Variants in CNTN4 observed in about 807,000 individuals in gnomAD.
CNTN4 encodes the protein contactin 4, also known as contactin-4.
CNTN4 carries 77 observed loss-of-function variants against 122.5 expected under a neutral mutation model. The observed-to-expected ratio is 0.63, with a 90% CI of 0.52 to 0.76. CNTN4 has a LOEUF of 0.76. Ranked by LOEUF, CNTN4 falls within the 30% of genes least tolerant of loss-of-function variation. The pLI, the probability that CNTN4 is intolerant of heterozygous loss-of-function variation, is 0.00. For missense variants in CNTN4, 1,256 were observed against 1,259.1 expected, an observed-to-expected ratio of 1.00 and a Z score of 0.04; for synonymous variants, 512 against 447.0, an observed-to-expected ratio of 1.15 and a Z score of -1.83.
chr3:2,280,629 G>T (rs922546833), intron 2 of CNTN4, among the ~76,000 whole-genome samples: 1 of 152,118 alleles, frequency 6.6e-6, no homozygotes, highest in South Asian at 2.1e-4. Flanking sequence ...GGTCATAACC[G>T]TAGAGAACAC....
intron 14 of CNTN4, among the ~76,000 whole-genome samples, chr3:2,993,394 C>T (rs1695227458): frequency 6.6e-6 from 1 of 150,884 alleles, no homozygotes; most frequent in Admixed American, 6.6e-5. Flanking sequence ...GCCTCCCGGG[C>T]TCAAGCGATT....
chr3:2,708,391 A>G (rs879531243), intron 4 of CNTN4, among the ~76,000 whole-genome samples: 3 of 152,224 alleles, frequency 2.0e-5, no homozygotes, highest in Admixed American at 1.3e-4. Flanking sequence ...AGAAATGATT[A>G]TAATTATCTG....
At chr3:2,847,707 C>T (rs944249936) in intron 7 of CNTN4, among the ~76,000 whole-genome samples, 3 of 152,196 alleles carry the variant, frequency 2.0e-5, no homozygotes, top group Non-Finnish European at 4.4e-5. Context: ...ATTGAATGCT[C>T]GTGCTCAGAG....
At chr3:2,622,912 A>G (rs1263463127) in intron 4 of CNTN4, among the ~76,000 whole-genome samples, 1 of 152,232 alleles carries the variant, frequency 6.6e-6, no homozygotes, top group Non-Finnish European at 1.5e-5. Context: ...AAAATAGGTC[A>G]TATGAGAATG....
intron 3 of CNTN4, among the ~76,000 whole-genome samples, chr3:2,427,881 C>A (rs1048483590): frequency 1.3e-4 from 20 of 151,646 alleles, no homozygotes; most frequent in African/African-American, 4.9e-4. Flanking sequence ...TTATCAGAGA[C>A]TAAGATTGCA....
intron 24 of CNTN4, among the ~76,000 whole-genome samples, chr3:3,054,666 A>G (rs1009628567): frequency 9.2e-5 from 14 of 152,168 alleles, no homozygotes; most frequent in Non-Finnish European, 1.5e-5. Flanking sequence ...TGGAGACAGA[A>G]GTGAGGCTAG....
intron 13 of CNTN4, among the ~76,000 whole-genome samples, chr3:2,933,024 G>C (rs948719624): frequency 1.3e-5 from 2 of 151,908 alleles, no homozygotes; most frequent in Non-Finnish European, 2.9e-5. Context: ...AAGTTTCACC[G>C]TGTTAGCCAG....
At chr3:2,727,221 C>A (rs1467253467) in intron 4 of CNTN4, among the ~76,000 whole-genome samples, 6 of 152,094 alleles carry the variant, frequency 3.9e-5, no homozygotes, top group African/African-American at 1.4e-4. Context: ...AAATATAGCC[C>A]ACAAAACATG....
At chr3:2,870,189 C>G (rs1253338386) in intron 8 of CNTN4, among the ~76,000 whole-genome samples, 3 of 152,244 alleles carry the variant, frequency 2.0e-5, no homozygotes, top group Non-Finnish European at 4.4e-5. Context: ...CTGGCAACAA[C>G]TCTGCCTTTT....
intron 6 of CNTN4, among the ~76,000 whole-genome samples, chr3:2,780,417 A>C (rs560744893): frequency 6.6e-6 from 1 of 152,156 alleles, no homozygotes; most frequent in South Asian, 2.1e-4. Context: ...GGATCTTCCA[A>C]CTCTCAATAT....
intron 13 of CNTN4, among the ~76,000 whole-genome samples, chr3:2,935,567 C>T (rs933184598): frequency 9.2e-5 from 14 of 152,298 alleles, no homozygotes; most frequent in African/African-American, 1.7e-4. Context: ...ATATCTGTCA[C>T]GTATCTCCCT....
chr3:2,964,931 A>G (rs890949012), intron 13 of CNTN4, among the ~76,000 whole-genome samples: 1 of 152,090 alleles, frequency 6.6e-6, no homozygotes, highest in Non-Finnish European at 1.5e-5. Context: ...AAATTTAATT[A>G]TGCTTCCATC....
intron 2 of CNTN4, among the ~76,000 whole-genome samples, chr3:2,112,426 A>G (rs1427712814): frequency 6.6e-6 from 1 of 152,206 alleles, no homozygotes; most frequent in Non-Finnish European, 1.5e-5. Flanking sequence ...AAAACTTAGC[A>G]AGCATAACAA....
chr3:2,142,639 G>C (rs1189670288), intron 2 of CNTN4, among the ~76,000 whole-genome samples: 1 of 152,154 alleles, frequency 6.6e-6, no homozygotes. Flanking sequence ...CACTGTGCCT[G>C]GCTGATATGC....
In CNTN4 at chr3:2,419,835, C is replaced by T. The variant is rs148856751; in HGVS notation, c.-89+80602C>T. ...GTTTCCAGGACCCATTTTTCTTTTC[C>T]TTCCCTATACATGCAAACATATACA... On this transcript the variant is annotated intron_variant, in intron 3 of 24. Coordinates refer to ENST00000418658, the MANE Select transcript of CNTN4 (RefSeq NM_175607.3). 1.5e-3 allele frequency among the ~76,000 whole-genome samples: 233 copies of T among 152,148 alleles called. 1 individual carries two copies. The highest frequency in any genetic ancestry group is 5.1e-3 in the African/African-American group (212 of 41,506).
At chr3:2,201,278 G>T (rs1029162041) in intron 2 of CNTN4, among the ~76,000 whole-genome samples, 1 of 152,112 alleles carries the variant, frequency 6.6e-6, no homozygotes, top group Non-Finnish European at 1.5e-5. Flanking sequence ...AAATGAAAGA[G>T]AAGTTAAAAA....
At chr3:2,763,235 AC>A (rs1392405153) in intron 6 of CNTN4, among the ~76,000 whole-genome samples, 1 of 152,080 alleles carries the variant, frequency 6.6e-6, no homozygotes, top group Non-Finnish European at 1.5e-5. Context: ...GTAAGCCACC[AC>A]ACGCAGCTGA....
At chr3:2,899,632 A>C (rs888540817) in intron 10 of CNTN4, among the ~76,000 whole-genome samples, 1 of 152,186 alleles carries the variant, frequency 6.6e-6, no homozygotes, top group Admixed American at 6.5e-5. Context: ...GAAAATAAGG[A>C]AAGAAAATGT....
chr3:2,810,047 C>G (rs1345222536), intron 6 of CNTN4, among the ~76,000 whole-genome samples: 1 of 152,104 alleles, frequency 6.6e-6, no homozygotes, highest in African/African-American at 2.4e-5. Flanking sequence ...GTGAGAGTCT[C>G]AGACAGTCAA....
Sources: gnomAD v4.1 joint callset for allele counts (sites outside exome capture counted in the v4.1 genomes callset) on GRCh38, gnomAD v4.1.1 for gene constraint, MANE v1.5 for transcripts, NCBI Gene and HGNC (gene_info 2026-07-23, HGNC 2026-07-21) for gene names.